Variants in DNAH7 observed in about 807,000 individuals in gnomAD.
DNAH7 encodes the protein dynein axonemal heavy chain 7.
In DNAH7, 397 loss-of-function variants were observed where a neutral mutation model predicts 444.6. That is an observed-to-expected ratio of 0.89 (90% confidence interval 0.82 to 0.97). The LOEUF is 0.97. Ranked by LOEUF, DNAH7 falls within the 50% of genes least tolerant of loss-of-function variation. The pLI is 0.00. For missense variants in DNAH7, 4,902 were observed against 4,800.8 expected (o/e 1.02, Z -0.62); for synonymous variants, 1,636 against 1,624.4 (o/e 1.01, Z -0.17).
intron 19 of DNAH7, among the ~76,000 whole-genome samples, chr2:195,951,944 T>A (rs542721959): frequency 6.6e-6 from 1 of 152,172 alleles, no homozygotes; most frequent in Non-Finnish European, 1.5e-5. Context: ...AAGGTTAATA[T>A]AGTTATGTGT....
chr2:196,067,660 C>A (rs1487429920), intron 1 of DNAH7, among the ~76,000 whole-genome samples: 1 of 152,128 alleles, frequency 6.6e-6, no homozygotes, highest in African/African-American at 2.4e-5. Context: ...TCACATAGTT[C>A]TGTTAGTAAT....
intron 19 of DNAH7, among the ~76,000 whole-genome samples, chr2:195,938,314 T>C (rs1689188214): frequency 6.6e-6 from 1 of 151,604 alleles, no homozygotes; most frequent in Admixed American, 6.6e-5. Context: ...AATTTTATTA[T>C]GCTTCTTGTT....
chr2:195,771,389 G>C (rs62201474), intron 61 of DNAH7, among the ~76,000 whole-genome samples: 23,321 of 151,766 alleles, frequency 0.15, 2,154 homozygotes, highest in African/African-American at 0.25. Flanking sequence ...GAAGGCAAGG[G>C]CTCATTCCTT....
intron 12 of DNAH7, chr2:195,999,285 T>C (rs1222806611): frequency 1.4e-6 from 1 of 706,420 alleles, no homozygotes; most frequent in Non-Finnish European, 2.6e-6. Flanking sequence ...TAAGAATTTG[T>C]AACCACAAGT....
chr2:195,833,817 A>C (rs1269998231), intron 48 of DNAH7, among the ~76,000 whole-genome samples: 2 of 151,446 alleles, frequency 1.3e-5, no homozygotes, highest in Non-Finnish European at 2.9e-5. Context: ...GTGTAGTGGC[A>C]CTCTCTCGGC....
At chr2:195,938,239 GAATA>G (rs1325758523) in intron 19 of DNAH7, among the ~76,000 whole-genome samples, 1 of 151,670 alleles carries the variant, frequency 6.6e-6, no homozygotes, top group Non-Finnish European at 1.5e-5. Context: ...AATAAAACAT[GAATA>G]TATAAATCAT....
chr2:195,858,624 T>C lies in DNAH7; in HGVS notation c.7917A>G (p.Lys2639=). The change falls in exon 43 of 65, where the codon AAA becomes AAG. Residue 2639 remains lysine, a synonymous_variant. Transcript: ENST00000312428. ...MIEKESVEVA[K]TEKIVKADET... is the part of the protein sequence containing the mutation. ...CATCAGCTTTCACTATTTTTTCAGT[T>C]TTGGCAACTTCTACAGACTCTTTCT... 1 of 1,614,048 alleles carries C rather than the reference T, an allele frequency of 6.2e-7. No homozygotes were observed. Among genetic ancestry groups the C allele is most frequent in the Non-Finnish European group, 8.5e-7 (1 of 1,179,950 alleles).
chr2:195,825,770 G>A (rs1260762109), intron 48 of DNAH7, among the ~76,000 whole-genome samples: 2 of 152,194 alleles, frequency 1.3e-5, no homozygotes, highest in Non-Finnish European at 2.9e-5. Flanking sequence ...AAGGATGGGT[G>A]TACAATCTGG....
intron 39 of DNAH7, among the ~76,000 whole-genome samples, chr2:195,872,998 G>T (rs1246301625): frequency 2.6e-5 from 4 of 152,222 alleles, no homozygotes; most frequent in African/African-American, 9.6e-5. Context: ...AGAATGTAGA[G>T]AAATAATTTT....
intron 48 of DNAH7, among the ~76,000 whole-genome samples, chr2:195,829,046 C>T (rs973880114): frequency 6.6e-6 from 1 of 152,112 alleles, no homozygotes; most frequent in African/African-American, 2.4e-5. Context: ...AGCTGTCGTA[C>T]TTAAGCCTTC....
In DNAH7 at chr2:195,972,471, G is replaced by T. The variant is rs777111077; in HGVS notation, c.1834-5C>A. The T allele has an allele frequency of 1.2e-5, 19 of 1,609,460 alleles. No individual in the cohort carries two copies. The highest frequency in any genetic ancestry group is 3.3e-4 in the Middle Eastern group (2 of 6,064). On this transcript the variant is annotated splice_region_variant and splice_polypyrimidine_tract_variant and intron_variant, in intron 15 of 64. Transcript: ENST00000312428. ...CTCCACTTTCTGAATGTAAGCCTGA[G>T]GGAAAACAAAAATTACAGGTGACAT...
intron 1 of DNAH7, among the ~76,000 whole-genome samples, chr2:196,067,521 T>A (rs1698493977): frequency 6.6e-6 from 1 of 152,222 alleles, no homozygotes; most frequent in South Asian, 2.1e-4. Context: ...AATTATACTT[T>A]AGCATATGAA....
At chr2:196,051,677 G>C (rs1178782902) in intron 2 of DNAH7, among the ~76,000 whole-genome samples, 1 of 152,092 alleles carries the variant, frequency 6.6e-6, no homozygotes, top group African/African-American at 2.4e-5. Flanking sequence ...TGAGGCAGGA[G>C]AATGGCGTGA....
Position 195,897,659 on chromosome 2 carries a change from G to A in DNAH7, c.4647+8C>T, listed in dbSNP as rs763907927. On this transcript the variant is annotated splice_region_variant and intron_variant, in intron 29 of 64. Coordinates refer to ENST00000312428, the MANE Select transcript of DNAH7 (RefSeq NM_018897.3). ...GTTTTGATGCATTGGGATAATGAATGTTCTTACCTCAAAGAGTGGTAAATC... is the reference window on the plus strand; with the variant it reads ...GTTTTGATGCATTGGGATAATGAATATTCTTACCTCAAAGAGTGGTAAATC... 1 of 1,516,288 alleles carries A rather than the reference G, an allele frequency of 6.6e-7. No individual in the cohort carries two copies. Among genetic ancestry groups the A allele is most frequent in the Non-Finnish European group, 9.1e-7 (1 of 1,102,016 alleles). The allele number at this position is 1,516,288 out of a possible 1,614,324, so 93.9% of individuals were successfully genotyped here. A position where few individuals can be genotyped will look rare whatever the true frequency, so the allele number is the denominator to read the frequency against.
intron 54 of DNAH7, 87 bp from the exon 55 acceptor site, chr2:195,799,559 A>T (rs1009041977): frequency 8.3e-7 from 1 of 1,207,822 alleles, no homozygotes. Flanking sequence ...GTTTTAAAAC[A>T]AAATACCCTA....
At chr2:196,045,346 G>A (rs1697053005) in intron 5 of DNAH7, among the ~76,000 whole-genome samples, 1 of 151,002 alleles carries the variant, frequency 6.6e-6, no homozygotes, top group South Asian at 2.1e-4. Context: ...GGAAGGGAGG[G>A]AGGGAAGGAA....
intron 21 of DNAH7, among the ~76,000 whole-genome samples, chr2:195,933,014 C>T (rs1281823277): frequency 1.3e-5 from 2 of 152,076 alleles, no homozygotes; most frequent in African/African-American, 2.4e-5. Flanking sequence ...CTCCTTGTAC[C>T]TCTGGTAGAA....
chr2:196,055,575 CACA>C (rs993134155), intron 2 of DNAH7, among the ~76,000 whole-genome samples: 12 of 152,166 alleles, frequency 7.9e-5, no homozygotes, highest in African/African-American at 2.4e-4. Flanking sequence ...GAAATATGAG[CACA>C]ACATTTTCAA....
intron 20 of DNAH7, among the ~76,000 whole-genome samples, chr2:195,936,102 G>A (rs545864478): frequency 3.9e-5 from 6 of 152,162 alleles, no homozygotes; most frequent in Non-Finnish European, 7.4e-5. Context: ...GGCCAGGCAC[G>A]GTGGCTCACG....
Sources: allele counts gnomAD v4.1 joint callset (sites outside exome capture counted in the v4.1 genomes callset), GRCh38; gene constraint gnomAD v4.1.1; transcripts MANE v1.5; gene names NCBI Gene and HGNC (gene_info 2026-07-23, HGNC 2026-07-21).